SYT14: variants seen among roughly 807,000 people sequenced by gnomAD.
SYT14 encodes synaptotagmin-14.
A neutral mutation model predicts 74.2 loss-of-function variants in SYT14; 32 were observed. That is an observed-to-expected ratio of 0.43 (90% CI 0.33 to 0.58). The LOEUF (loss-of-function observed/expected upper bound fraction) is 0.58. Ranked by LOEUF, SYT14 falls within the 20% of genes least tolerant of loss-of-function variation. SYT14 has a pLI of 0.05. For synonymous variants in SYT14, 298 were observed against 337.7 expected (o/e 0.88, Z 1.29); for missense variants, 791 against 981.8 (o/e 0.81, Z 2.60).
At chr1:209,992,582 A>T (rs2079711538) in intron 2 of SYT14, among the ~76,000 whole-genome samples, 1 of 152,210 alleles carries the variant, frequency 6.6e-6, no homozygotes, top group African/African-American at 2.4e-5. Flanking sequence ...TAATGGGTAC[A>T]GTGTATACTT....
At chr1:210,040,961 G>A (rs1233819374) in intron 5 of SYT14, among the ~76,000 whole-genome samples, 2 of 152,144 alleles carry the variant, frequency 1.3e-5, no homozygotes, top group East Asian at 1.9e-4. Context: ...CTACGGGAGT[G>A]GCCTGCAGTG....
At position 210,021,301 on chromosome 1, in the gene SYT14, T is replaced by C. The variant is rs771699563; in HGVS notation, c.1312+47T>C. 6 of 1,513,990 alleles carry C rather than the reference T, an allele frequency of 4.0e-6. No homozygotes were observed. The South Asian group carries it at 6.8e-5, about 17-fold the overall frequency. 93.8% of individuals were successfully genotyped at this position (1,513,990 alleles called of 1,614,324 possible). ...TTTTTACATGACACACTATAGTATT[T>C]GATTACTTGTGCCTGAAATTCTAGG... On this transcript the variant is annotated intron_variant, in intron 5 of 9. Coordinates refer to ENST00000637265, the Ensembl canonical transcript of SYT14.
chr1:210,013,510 C>G (rs2080125092), intron 2 of SYT14, 123 bp from the exon 3 acceptor site: 1 of 976,638 alleles, frequency 1.0e-6, no homozygotes, highest in Non-Finnish European at 1.5e-6. Context: ...TGTTTTTAAA[C>G]TATGACAATT....
chr1:210,079,509 A>G (rs2081580118), intron 5 of SYT14, among the ~76,000 whole-genome samples: 1 of 152,066 alleles, frequency 6.6e-6, no homozygotes, highest in Non-Finnish European at 1.5e-5. Context: ...CACTCCAAAA[A>G]CCACTTGTGG....
At chr1:210,136,728 T>G (rs963275750) in intron 7 of SYT14, among the ~76,000 whole-genome samples, 4 of 152,152 alleles carry the variant, frequency 2.6e-5, no homozygotes, top group Non-Finnish European at 4.4e-5. Context: ...ACTTAGTAAC[T>G]TTGGCGAAGA....
intron 5 of SYT14, among the ~76,000 whole-genome samples, chr1:210,056,651 T>TAAAAA (rs2081102300): frequency 2.8e-5 from 1 of 35,438 alleles, no homozygotes. Context: ...CCGTCTCTAC[T>TAAAAA]AAAAATACAA....
intron 5 of SYT14, among the ~76,000 whole-genome samples, chr1:210,078,203 G>A (rs904221469): frequency 4.0e-5 from 6 of 150,034 alleles, no homozygotes; most frequent in Non-Finnish European, 7.4e-5. Context: ...CCAGCTACTC[G>A]GGAGGCTGAG....
chr1:210,098,183 A>T (rs951565717), intron 6 of SYT14, among the ~76,000 whole-genome samples: 6 of 152,062 alleles, frequency 3.9e-5, no homozygotes, highest in Non-Finnish European at 8.8e-5. Context: ...TCAAAAAAAA[A>T]AAAAAAATTA....
chr1:210,132,599 G>GTA (rs1052529516), intron 7 of SYT14, among the ~76,000 whole-genome samples: 5 of 151,644 alleles, frequency 3.3e-5, no homozygotes, highest in African/African-American at 1.2e-4. Flanking sequence ...GTGTGTGTGT[G>GTA]TGTGTAGCCA....
chr1:209,990,065 G>A (rs1346409840), intron 2 of SYT14, among the ~76,000 whole-genome samples: 1 of 152,022 alleles, frequency 6.6e-6, no homozygotes, highest in African/African-American at 2.4e-5. Context: ...CCTCCTGTTT[G>A]CTATCTTTTA....
intron 5 of SYT14, among the ~76,000 whole-genome samples, chr1:210,028,804 G>A (rs2080467820): frequency 6.6e-6 from 1 of 152,086 alleles, no homozygotes; most frequent in African/African-American, 2.4e-5. Context: ...TGAAATTGGT[G>A]GCTCTATGGC....
At chr1:209,990,556 T>C in intron 2 of SYT14, among the ~76,000 whole-genome samples, 1 of 125,578 alleles carries the variant, frequency 8.0e-6, no homozygotes, top group East Asian at 2.3e-4. Flanking sequence ...TATGTATATA[T>C]ATACGTATAT....
At chr1:210,065,202 A>G (rs1051930876) in intron 5 of SYT14, among the ~76,000 whole-genome samples, 3 of 152,010 alleles carry the variant, frequency 2.0e-5, no homozygotes, top group South Asian at 2.1e-4. Context: ...AGTGCTTGCT[A>G]TGGTTTCGCT....
intron 2 of SYT14, 99 bp from the exon 3 acceptor site, chr1:210,013,534 C>A: frequency 8.6e-7 from 1 of 1,163,082 alleles, no homozygotes; most frequent in East Asian, 2.4e-5. Context: ...AAATATAATT[C>A]AAATAAGGTA....
At chr1:210,035,879 G>GCTAAC (rs1254142389) in intron 5 of SYT14, among the ~76,000 whole-genome samples, 4 of 151,924 alleles carry the variant, frequency 2.6e-5, no homozygotes, top group Non-Finnish European at 5.9e-5. Flanking sequence ...GGTTATTTTG[G>GCTAAC]CTATTTGGGC....
At chr1:210,041,265 T>A (rs1348391577) in intron 5 of SYT14, among the ~76,000 whole-genome samples, 1 of 152,088 alleles carries the variant, frequency 6.6e-6, no homozygotes, top group Non-Finnish European at 1.5e-5. Flanking sequence ...AGGCTTTAGG[T>A]CAACCCTCTT....
exon 10 of SYT14, chr1:210,167,558 A>T: frequency 6.6e-6 from 1 of 152,046 alleles, no homozygotes; most frequent in Non-Finnish European, 1.5e-5. Context: ...TTACATTTTG[A>T]AGTTTTCTTT....
chr1:210,088,803 A>G (rs1195184549), intron 5 of SYT14, among the ~76,000 whole-genome samples: 1 of 151,972 alleles, frequency 6.6e-6, no homozygotes, highest in Admixed American at 6.5e-5. Context: ...TCAGACCTAT[A>G]AATTTCCTTC....
intron 2 of SYT14, among the ~76,000 whole-genome samples, chr1:209,965,572 C>T (rs1377412245): frequency 6.6e-6 from 1 of 152,128 alleles, no homozygotes; most frequent in Non-Finnish European, 1.5e-5. Context: ...TGGGCATATA[C>T]CCGGTAATGA....
Sources: allele counts gnomAD v4.1 joint callset (sites outside exome capture counted in the v4.1 genomes callset), GRCh38; gene constraint gnomAD v4.1.1; transcripts MANE v1.5; gene names NCBI Gene and HGNC (gene_info 2026-07-23, HGNC 2026-07-21).